Variants in STXBP4 observed in about 807,000 individuals in gnomAD.
The protein encoded by STXBP4 is syntaxin-binding protein 4.
A neutral mutation model predicts 76.1 loss-of-function variants in STXBP4; 55 were observed. That is an observed-to-expected ratio of 0.72 (90% confidence interval 0.58 to 0.91). The LOEUF (loss-of-function observed/expected upper bound fraction) is 0.91, where lower values mean the gene tolerates loss of function less well. Among genes scored for constraint, STXBP4 ranks in the 40% least tolerant of loss-of-function variants. STXBP4 has a pLI of 0.00. For missense variants in STXBP4, 618 were observed against 636.9 expected (o/e 0.97, Z 0.32); for synonymous variants, 201 against 220.2 (o/e 0.91, Z 0.77).
chr17:54,984,783 A>G (rs1598156113), intron 1 of STXBP4, among the ~76,000 whole-genome samples: 3 of 152,164 alleles, frequency 2.0e-5, no homozygotes, highest in East Asian at 1.9e-4. Context: ...TTACCTTAGT[A>G]TGCCATACAA....
At chr17:55,022,265 A>G (rs527402312) in intron 8 of STXBP4, among the ~76,000 whole-genome samples, 16 of 152,236 alleles carry the variant, frequency 1.1e-4, no homozygotes, top group African/African-American at 3.4e-4. Context: ...ATGAAAACAT[A>G]AAATATGCAG....
At chr17:55,052,293 C>T (rs576036635) in intron 12 of STXBP4, among the ~76,000 whole-genome samples, 1 of 152,268 alleles carries the variant, frequency 6.6e-6, no homozygotes, top group African/African-American at 2.4e-5. Context: ...ATCACAGGAA[C>T]TAGCTTGAAG....
At chr17:55,186,137 G>A in the STXBP4 span, among the ~76,000 whole-genome samples, 2 of 152,136 alleles carry the variant, frequency 1.3e-5, no homozygotes, top group Admixed American at 6.5e-5. Flanking sequence ...AACCCTCCAC[G>A]TGATTGCTGA....
chr17:55,155,709 C>G (rs944136205), intron 17 of STXBP4, among the ~76,000 whole-genome samples: 1 of 151,956 alleles, frequency 6.6e-6, no homozygotes, highest in Non-Finnish European at 1.5e-5. Flanking sequence ...GAACAAGTGC[C>G]CTTTTTGTCA....
At chr17:54,997,615 T>TA (rs1419712085) in intron 4 of STXBP4, among the ~76,000 whole-genome samples, 27 of 145,436 alleles carry the variant, frequency 1.9e-4, no homozygotes, top group East Asian at 9.8e-4. Context: ...TATATATATA[T>TA]TTTTTTTGAG....
chr17:55,062,291 C>G (rs1173077984), intron 12 of STXBP4, among the ~76,000 whole-genome samples: 1 of 152,042 alleles, frequency 6.6e-6, no homozygotes, highest in Non-Finnish European at 1.5e-5. Context: ...TTTCTGTGTC[C>G]ATGTGTTCTC....
At chr17:55,081,649 T>A (rs1160760054) in intron 16 of STXBP4, among the ~76,000 whole-genome samples, 1 of 152,140 alleles carries the variant, frequency 6.6e-6, no homozygotes, top group African/African-American at 2.4e-5. Context: ...CAGTGAAGAC[T>A]GGGAACAGAC....
intron 16 of STXBP4, among the ~76,000 whole-genome samples, chr17:55,126,111 A>G (rs1207171579): frequency 1.3e-5 from 2 of 152,218 alleles, no homozygotes; most frequent in African/African-American, 2.4e-5. Flanking sequence ...AAACAAAAAG[A>G]TTAACATGCT....
intron 4 of STXBP4, among the ~76,000 whole-genome samples, chr17:54,993,190 TG>T (rs1421926025): frequency 6.6e-6 from 1 of 152,232 alleles, no homozygotes; most frequent in Non-Finnish European, 1.5e-5. Flanking sequence ...AGAATTTTAC[TG>T]AAGTATTAAA....
chr17:54,999,687 C>T lies in STXBP4; in HGVS notation c.343C>T (p.Pro115Ser). 6.2e-7 allele frequency: 1 copy of T among 1,613,668 alleles called. No homozygotes were observed. The highest frequency in any genetic ancestry group is 2.2e-5 in the East Asian group (1 of 44,786). The change falls in exon 6 of 18, where the codon CCA (proline) becomes TCA (serine). Residue 115 changes from proline to serine, a missense_variant. Pro to Ser is a moderately conservative substitution (Grantham distance 74). Coordinates refer to ENST00000376352, the MANE Select transcript of STXBP4 (RefSeq NM_178509.6). ...AAGACAAAAATCCGACAACATTCAG[C>T]CAGAAAATCTGTCATGTACATCACT... ...FIRQKSDNIQ[P>S]ENLSCTSLIE...
At chr17:54,973,587 A>G (rs2077429329) in intron 1 of STXBP4, among the ~76,000 whole-genome samples, 1 of 152,234 alleles carries the variant, frequency 6.6e-6, no homozygotes, top group African/African-American at 2.4e-5. Context: ...CAACATTGGG[A>G]GATGCTGAAA....
In STXBP4 at chr17:55,151,070, C is replaced by T. The variant is rs976030624; in HGVS notation, c.1548-8727C>T. On this transcript the variant is annotated intron_variant, in intron 17 of 17. Coordinates refer to ENST00000376352, the MANE Select transcript of STXBP4 (RefSeq NM_178509.6). ...GCCATAAGCCAAGGAATGTGAGTGG[C>T]CTGGAAAAGCAAAGAAACAAATTCT... 2.0e-5 allele frequency among the ~76,000 whole-genome samples: 3 copies of T among 152,092 alleles called. No homozygotes were observed. The East Asian group carries it at 5.8e-4, about 29-fold the overall frequency.
intron 8 of STXBP4, among the ~76,000 whole-genome samples, chr17:55,030,188 C>T (rs1470629606): frequency 2.0e-5 from 3 of 152,194 alleles, no homozygotes; most frequent in East Asian, 3.9e-4. Flanking sequence ...CCAGGGCTGC[C>T]GTGGAGGTTT....
chr17:55,012,422 T>G (rs988505155), intron 8 of STXBP4, among the ~76,000 whole-genome samples: 1 of 152,168 alleles, frequency 6.6e-6, no homozygotes, highest in African/African-American at 2.4e-5. Flanking sequence ...CAATATCTGC[T>G]TGGCAGTTCC....
chr17:55,025,140 C>CAA (rs200832162), intron 8 of STXBP4, among the ~76,000 whole-genome samples: 1 of 142,086 alleles, frequency 7.0e-6, no homozygotes, highest in African/African-American at 2.6e-5. Flanking sequence ...GACTCCGTCT[C>CAA]AAAAAAAAAA....
At chr17:55,018,138 T>G (rs2078241240) in intron 8 of STXBP4, among the ~76,000 whole-genome samples, 1 of 152,142 alleles carries the variant, frequency 6.6e-6, no homozygotes, top group Non-Finnish European at 1.5e-5. Context: ...GTGGTGAGTG[T>G]TAGAGCTCTA....
chr17:55,046,573 A>G (rs1419466823), intron 11 of STXBP4, among the ~76,000 whole-genome samples: 1 of 151,900 alleles, frequency 6.6e-6, no homozygotes, highest in African/African-American at 2.4e-5. Context: ...TTTTATGTGT[A>G]TGTATAATAT....
intron 1 of STXBP4, among the ~76,000 whole-genome samples, chr17:54,971,566 G>A (rs1479730866): frequency 2.0e-5 from 3 of 152,130 alleles, no homozygotes. Context: ...CTACATTGAG[G>A]GGTTAGGGCT....
At chr17:55,118,098 AG>A (rs1419135572) in intron 16 of STXBP4, among the ~76,000 whole-genome samples, 1 of 151,970 alleles carries the variant, frequency 6.6e-6, no homozygotes, top group African/African-American at 2.4e-5. Context: ...ATAGTATGCA[AG>A]GATGGATGAA....
Sources: allele counts gnomAD v4.1 joint callset (sites outside exome capture counted in the v4.1 genomes callset), GRCh38; gene constraint gnomAD v4.1.1; transcripts MANE v1.5; gene names NCBI Gene and HGNC (gene_info 2026-07-23, HGNC 2026-07-21).